GNB5: variants seen among roughly 807,000 people sequenced by gnomAD.
The protein encoded by GNB5 is G protein subunit beta 5.
GNB5 carries 37 observed loss-of-function variants against 55.3 expected under a neutral mutation model. The observed-to-expected ratio is 0.67, with a 90% CI of 0.51 to 0.88. The LOEUF (loss-of-function observed/expected upper bound fraction) is 0.88, where lower values mean the gene tolerates loss of function less well. Among genes scored for constraint, GNB5 ranks in the 40% least tolerant of loss-of-function variants. The pLI, the probability that GNB5 is intolerant of heterozygous loss-of-function variation, is 0.00. For synonymous variants in GNB5, 219 were observed against 198.5 expected (o/e 1.10, Z -0.87); for missense variants, 476 against 515.3 (o/e 0.92, Z 0.74).
chr15:52,153,414 T>C (rs929196403), intron 4 of GNB5, among the ~76,000 whole-genome samples: 3 of 152,216 alleles, frequency 2.0e-5, no homozygotes, highest in Non-Finnish European at 2.9e-5. Flanking sequence ...CCCAGATGCC[T>C]GACTCTCAGA....
chr15:52,145,130 T>C (rs1596073221), intron 6 of GNB5, among the ~76,000 whole-genome samples: 1 of 152,146 alleles, frequency 6.6e-6, no homozygotes, highest in African/African-American at 2.4e-5. Context: ...CTAAACTCCT[T>C]TGCACCAACC....
At chr15:52,161,238 G>A (rs1180389314) in intron 3 of GNB5, among the ~76,000 whole-genome samples, 1 of 152,168 alleles carries the variant, frequency 6.6e-6, no homozygotes, top group East Asian at 1.9e-4. Context: ...AAATCAAGGA[G>A]TAGGTGAGGC....
At chr15:52,166,184 T>G (rs2034447035) in intron 3 of GNB5, among the ~76,000 whole-genome samples, 1 of 152,070 alleles carries the variant, frequency 6.6e-6, no homozygotes, top group Non-Finnish European at 1.5e-5. Flanking sequence ...GCACCCAGAT[T>G]CATAAAGCAA....
At chr15:52,169,538 C>CAAAAAAAAAA (rs60470864) in intron 3 of GNB5, among the ~76,000 whole-genome samples, 108 of 71,462 alleles carry the variant, frequency 1.5e-3, no homozygotes, top group East Asian at 4.1e-3. Flanking sequence ...GACTCTGTCT[C>CAAAAAAAAAA]AAAAAAAAAA....
intron 3 of GNB5, among the ~76,000 whole-genome samples, chr15:52,163,189 T>C (rs975118762): frequency 6.6e-6 from 1 of 152,094 alleles, no homozygotes; most frequent in Non-Finnish European, 1.5e-5. Context: ...GATCGGGAGA[T>C]CACCTCGTGA....
chr15:52,159,446 A>T (rs1338812866), intron 3 of GNB5, among the ~76,000 whole-genome samples: 1 of 152,124 alleles, frequency 6.6e-6, no homozygotes, highest in African/African-American at 2.4e-5. Flanking sequence ...CAGCCTAGAA[A>T]CTGCTCCCTG....
chr15:52,124,782 G>T, intron 11 of GNB5, 143 bp from the exon 12 acceptor site: 1 of 676,686 alleles, frequency 1.5e-6, no homozygotes, highest in Non-Finnish European at 2.6e-6. Flanking sequence ...AGGATTCAAA[G>T]GGGAGAAAGC....
chr15:52,156,885 C>A (rs1019503657), intron 3 of GNB5, among the ~76,000 whole-genome samples: 3 of 151,860 alleles, frequency 2.0e-5, no homozygotes, highest in African/African-American at 4.8e-5. Context: ...CAAATACGTT[C>A]TTTACAAAAT....
At chr15:52,126,128 G>C (rs949806160) in intron 10 of GNB5, 84 bp from the exon 11 acceptor site, 10 of 679,302 alleles carry the variant, frequency 1.5e-5, no homozygotes, top group African/African-American at 5.4e-5. Context: ...GTAGGTGCTA[G>C]TGACTTGCGT....
chr15:52,126,641 T>C (rs1050645053), intron 10 of GNB5, among the ~76,000 whole-genome samples: 1 of 152,216 alleles, frequency 6.6e-6, no homozygotes, highest in African/African-American at 2.4e-5. Context: ...ATTTTTCTTT[T>C]TTATAAATAA....
intron 1 of GNB5, among the ~76,000 whole-genome samples, chr15:52,188,272 G>A (rs141399858): frequency 0.015 from 2,315 of 152,170 alleles, 28 homozygotes; most frequent in Middle Eastern, 0.024. Context: ...GACCTCACTG[G>A]TTAAACATGG....
At chr15:52,153,114 C>A (rs992780260) in intron 4 of GNB5, among the ~76,000 whole-genome samples, 1 of 152,202 alleles carries the variant, frequency 6.6e-6, no homozygotes, top group African/African-American at 2.4e-5. Context: ...GTGTGACCAA[C>A]AGAATACAAC....
chr15:52,141,908 C>G (rs55683973), intron 6 of GNB5, among the ~76,000 whole-genome samples: 72,610 of 151,668 alleles, frequency 0.48, 20,870 homozygotes, highest in Non-Finnish European at 0.66. Context: ...AGGGACCAAC[C>G]AAGGCTCACA....
rs528578639 is a variant in GNB5 at position 52,140,461 on chromosome 15, C to T, written c.627+679G>A. On this transcript the variant is annotated intron_variant, in intron 7 of 12. Transcript: ENST00000261837. ...AAGTCTGTGACCAACCCCTCCTGCT[C>T]GGAGCTCCCCAGTTCCCCCACTGTC... is the stretch of plus-strand genomic sequence containing the variant. 3.3e-5 allele frequency among the ~76,000 whole-genome samples: 5 copies of T among 152,286 alleles called. No homozygotes were observed. In the South Asian group the frequency reaches 6.2e-4, roughly 19 times the overall value.
chr15:52,122,906 A>C (rs2033310049), intron 12 of GNB5, 138 bp from the exon 13 acceptor site: 1 of 708,904 alleles, frequency 1.4e-6, no homozygotes, highest in South Asian at 1.6e-5. Flanking sequence ...ACACACACAC[A>C]AACATACACA....
At chr15:52,147,279 A>T (rs1430201852) in intron 6 of GNB5, 180 bp downstream of exon 6, 1 of 517,026 alleles carries the variant, frequency 1.9e-6, no homozygotes, top group Non-Finnish European at 3.5e-6. Flanking sequence ...CTGGGATTAC[A>T]AGCAGGCACC....
chr15:52,124,846 G>A, intron 11 of GNB5: 1 of 503,910 alleles, frequency 2.0e-6, no homozygotes, highest in Non-Finnish European at 3.5e-6. Flanking sequence ...GATCACTGTA[G>A]CATCCCATGG....
Position 52,117,102 on chromosome 15 carries a change from A to ATATAT in GNB5, c.*5654_*5655insATATA. 1 of 87,100 alleles carries ATATAT rather than the reference A, an allele frequency of 1.1e-5. No homozygotes were observed. The highest frequency in any genetic ancestry group is 6.1e-5 in the African/African-American group (1 of 16,446). The allele number at this position is 87,100 out of a possible 1,614,324, so 5.4% of individuals were successfully genotyped here. On this transcript the variant is annotated 3_prime_UTR_variant, in exon 13 of 13. Transcript: ENST00000261837. ...CCACGCCCAGCTAATATATATATAT[A>ATATAT]TTTTTTTTTAGTACAGACAGGGTTT... is the stretch of plus-strand genomic sequence containing the variant.
intron 1 of GNB5, among the ~76,000 whole-genome samples, chr15:52,188,145 A>G (rs879643790): frequency 1.3e-5 from 2 of 152,146 alleles, no homozygotes; most frequent in Non-Finnish European, 2.9e-5. Context: ...ACTACTTTAT[A>G]TAATAGCATT....
Sources: allele counts gnomAD v4.1 joint callset (sites outside exome capture counted in the v4.1 genomes callset), GRCh38; gene constraint gnomAD v4.1.1; transcripts MANE v1.5; gene names NCBI Gene and HGNC (gene_info 2026-07-23, HGNC 2026-07-21).